The following VRK2 variants were observed in gnomAD, a reference collection of about 807,000 sequenced individuals.
The protein encoded by VRK2 is VRK serine/threonine kinase 2.
Under a neutral mutation model 57.6 loss-of-function variants are expected in VRK2, and 60 were observed. The ratio of observed to expected loss-of-function variants is 1.04; its 90% CI spans 0.85 to 1.29. The LOEUF is 1.29. Among genes scored for constraint, VRK2 ranks in the 50% most tolerant of loss-of-function variants. The pLI is 0.00. For missense variants in VRK2, 705 were observed against 588.1 expected (o/e 1.20, Z -2.06); for synonymous variants, 231 against 199.2 (o/e 1.16, Z -1.35).
At chr2:58,015,475 T>C (rs36120096) in intron 1 of VRK2, among the ~76,000 whole-genome samples, 2,130 of 152,282 alleles carry the variant, frequency 0.014, 23 homozygotes, top group Non-Finnish European at 0.023. Context: ...TCAATACCTA[T>C]CTCATTATTA....
intron 2 of VRK2, among the ~76,000 whole-genome samples, chr2:58,055,863 A>G (rs767055219): frequency 2.0e-5 from 3 of 152,214 alleles, no homozygotes; most frequent in Non-Finnish European, 4.4e-5. Context: ...TTTCTCCTCA[A>G]TGCAGAAAAT....
chr2:58,047,718 C>G (rs1675063395), intron 1 of VRK2, among the ~76,000 whole-genome samples: 1 of 151,648 alleles, frequency 6.6e-6, no homozygotes, highest in African/African-American at 2.4e-5. Context: ...GCATAGTTCA[C>G]CATCCAAATT....
At chr2:58,157,422 T>A (rs986213540) in intron 12 of VRK2, among the ~76,000 whole-genome samples, 1 of 152,188 alleles carries the variant, frequency 6.6e-6, no homozygotes, top group African/African-American at 2.4e-5. Context: ...CTAGTACTTA[T>A]CTACTAGGTG....
At chr2:58,132,996 C>T (rs896884909) in intron 9 of VRK2, among the ~76,000 whole-genome samples, 3 of 152,052 alleles carry the variant, frequency 2.0e-5, no homozygotes, top group South Asian at 2.1e-4. Flanking sequence ...TGGGTCAAGT[C>T]AAAACACAGT....
At chr2:58,066,035 C>T (rs1398125859) in intron 2 of VRK2, among the ~76,000 whole-genome samples, 1 of 152,116 alleles carries the variant, frequency 6.6e-6, no homozygotes, top group Non-Finnish European at 1.5e-5. Context: ...GGAATTTCCA[C>T]GTACACAATC....
At chr2:57,915,000 C>T (rs1670102428) in intron 1 of VRK2, among the ~76,000 whole-genome samples, 1 of 151,976 alleles carries the variant, frequency 6.6e-6, no homozygotes, top group African/African-American at 2.4e-5. Flanking sequence ...AAGATCCTCA[C>T]ACAAAAAATA....
intron 2 of VRK2, among the ~76,000 whole-genome samples, chr2:58,061,746 C>A (rs1318408939): frequency 6.6e-6 from 1 of 151,836 alleles, no homozygotes; most frequent in Non-Finnish European, 1.5e-5. Context: ...TTATTTTTAT[C>A]CTTGAAGAGA....
At chr2:58,048,257 C>T (rs553687584) in intron 1 of VRK2, among the ~76,000 whole-genome samples, 6 of 151,986 alleles carry the variant, frequency 3.9e-5, no homozygotes, top group African/African-American at 9.7e-5. Flanking sequence ...TTTGGCAGCC[C>T]GAGAACTGAT....
chr2:58,073,441 T>C (rs1347400074), intron 2 of VRK2, among the ~76,000 whole-genome samples: 1 of 151,928 alleles, frequency 6.6e-6, no homozygotes, highest in Admixed American at 6.6e-5. Flanking sequence ...TTGTCTGTTT[T>C]TCCTTCCAGT....
chr2:58,051,106 A>C (rs1263387127), intron 2 of VRK2, among the ~76,000 whole-genome samples: 1 of 152,188 alleles, frequency 6.6e-6, no homozygotes, highest in Non-Finnish European at 1.5e-5. Context: ...CGGCCTCCCG[A>C]AGTGTTGGGA....
chr2:58,093,825 T>G (rs1261167928), intron 7 of VRK2, among the ~76,000 whole-genome samples: 1 of 152,226 alleles, frequency 6.6e-6, no homozygotes, highest in East Asian at 1.9e-4. Flanking sequence ...TTAATCCATC[T>G]TGAATTAATT....
chr2:57,952,057 CAAGT>C (rs1338582999), intron 1 of VRK2, among the ~76,000 whole-genome samples: 1 of 151,220 alleles, frequency 6.6e-6, no homozygotes, highest in Non-Finnish European at 1.5e-5. Context: ...CTACACTCAG[CAAGT>C]ATTTTAAAAT....
Position 58,080,964 on chromosome 2 carries a change from G to T in VRK2, c.137-3125G>T, listed in dbSNP as rs191590460. On this transcript the variant is annotated intron_variant, in intron 2 of 12. Transcript: ENST00000340157. ...TGTAATTTCTTTTGTGTTTCTGTAG[G>T]ACCTGATTTAGATCTAATACCTAAT... Among the ~76,000 whole-genome samples, 160 of 151,914 alleles carry T rather than the reference G, an allele frequency of 1.1e-3. 2 individuals carry two copies. In the South Asian group the frequency reaches 0.032, roughly 30 times the overall value.
In VRK2 at chr2:58,119,300, C is replaced by A. The variant is rs186038164; in HGVS notation, c.544-3801C>A. ...ATCACTTCAGGTCAGGAGTTCGAGACCAGCCTGGCTAACATGGTGAAACCC... is the reference window on the plus strand; with the variant it reads ...ATCACTTCAGGTCAGGAGTTCGAGAACAGCCTGGCTAACATGGTGAAACCC... On this transcript the variant is annotated intron_variant, in intron 7 of 12. Transcript: ENST00000340157. Among the ~76,000 whole-genome samples, 135 of 151,208 alleles carry A rather than the reference C, an allele frequency of 8.9e-4. 1 individual carries two copies. The highest frequency in any genetic ancestry group is 3.2e-3 in the African/African-American group (133 of 41,048).
At chr2:58,034,806 A>C (rs1017817700) in intron 3 of VRK2, among the ~76,000 whole-genome samples, 1 of 151,862 alleles carries the variant, frequency 6.6e-6, no homozygotes, top group East Asian at 1.9e-4. Context: ...AAAAAACTTC[A>C]CTTATTCCTT....
intron 6 of VRK2, among the ~76,000 whole-genome samples, chr2:58,089,122 A>T (rs1672027209): frequency 6.6e-6 from 1 of 152,186 alleles, no homozygotes; most frequent in Non-Finnish European, 1.5e-5. Context: ...TGTATGTAAC[A>T]TGCAAGGCTG....
At chr2:58,113,568 A>G (rs575414789) in intron 7 of VRK2, among the ~76,000 whole-genome samples, 1 of 152,256 alleles carries the variant, frequency 6.6e-6, no homozygotes, top group South Asian at 2.1e-4. Flanking sequence ...ACCGTTTTAT[A>G]GGATTTGGGA....
intron 2 of VRK2, among the ~76,000 whole-genome samples, chr2:58,063,688 T>C (rs1185480050): frequency 6.6e-6 from 1 of 152,110 alleles, no homozygotes. Flanking sequence ...GTGTCCCTTC[T>C]GTAGCTCATG....
intron 1 of VRK2, among the ~76,000 whole-genome samples, chr2:57,940,545 C>T (rs1299434033): frequency 8.7e-6 from 1 of 114,888 alleles, no homozygotes; most frequent in Non-Finnish European, 1.8e-5. Flanking sequence ...CAGAATTAAC[C>T]ATCATACAGT....
Sources: gnomAD v4.1 joint callset for allele counts (sites outside exome capture counted in the v4.1 genomes callset) on GRCh38, gnomAD v4.1.1 for gene constraint, MANE v1.5 for transcripts, NCBI Gene and HGNC (gene_info 2026-07-23, HGNC 2026-07-21) for gene names.